Variants in CACNA2D4 observed in about 807,000 individuals in gnomAD.
CACNA2D4 encodes voltage-dependent calcium channel subunit alpha-2/delta-4.
A neutral mutation model predicts 163.8 loss-of-function variants in CACNA2D4; 157 were observed. That is an observed-to-expected ratio of 0.96 (90% CI 0.84 to 1.09). The LOEUF (loss-of-function observed/expected upper bound fraction) is 1.09. Ranked by LOEUF, CACNA2D4 falls within the 50% of genes least tolerant of loss-of-function variation. CACNA2D4 has a pLI of 0.00. For synonymous variants in CACNA2D4, 598 were observed against 586.9 expected (o/e 1.02, Z -0.27); for missense variants, 1,410 against 1,479.9 (o/e 0.95, Z 0.78).
At chr12:1,795,801 CG>C in intron 35 of CACNA2D4, 21 bp from the exon 36 acceptor site, 1 of 1,490,978 alleles carries the variant, frequency 6.7e-7, no homozygotes. Flanking sequence ...GAAAGGGAGT[CG>C]AGGATGGCTC....
chr12:1,897,521 T>C (rs1215362621), intron 6 of CACNA2D4, among the ~76,000 whole-genome samples: 1 of 152,150 alleles, frequency 6.6e-6, no homozygotes, highest in East Asian at 1.9e-4. Context: ...TATGTATCAG[T>C]AAAAATAAGA....
intron 16 of CACNA2D4, among the ~76,000 whole-genome samples, chr12:1,876,406 T>C (rs1865881580): frequency 6.6e-6 from 1 of 152,212 alleles, no homozygotes. Flanking sequence ...CCAAGACAGA[T>C]GTCACCAAGT....
chr12:1,891,103 C>T (rs555083045), intron 6 of CACNA2D4, among the ~76,000 whole-genome samples: 6 of 152,312 alleles, frequency 3.9e-5, no homozygotes, highest in African/African-American at 1.4e-4. Context: ...GTCCCCTGAG[C>T]AAGCCACCTG....
intron 16 of CACNA2D4, among the ~76,000 whole-genome samples, chr12:1,877,412 GA>G (rs537682997): frequency 6.6e-6 from 1 of 152,204 alleles, no homozygotes; most frequent in Non-Finnish European, 1.5e-5. Context: ...TTGCCCAGCA[GA>G]GCCTGATTTG....
rs1863237848 is a variant in CACNA2D4, at chr12:1,799,489, C to T, written c.2995+186G>A. On this transcript the variant is annotated intron_variant, in intron 34 of 37. Transcript: ENST00000382722. This position sits in a 1 kb window ranked among gnomAD's most constrained non-coding sequence, Gnocchi z 4.7. The stretch of plus-strand genomic sequence containing the variant: ...ATTTTCCCTGGGGCCTGACCGTCCT[C>T]ATGTGGGATGAGAACTGGGCTAGAC... Among the ~76,000 whole-genome samples, 1 of 152,188 alleles carries T rather than the reference C, an allele frequency of 6.6e-6. No homozygotes were observed. The highest frequency in any genetic ancestry group is 2.4e-5 in the African/African-American group (1 of 41,442).
rs1555187451 is a variant in CACNA2D4 at position 1,907,382 on chromosome 12, C to CTGTTG, written c.781+57_781+58insCAACA. 4.2e-5 allele frequency: 12 copies of CTGTTG among 287,364 alleles called. No homozygotes were observed. The African/African-American group carries it at 1.6e-3, about 39-fold the overall frequency. The allele number at this position is 287,364 out of a possible 1,614,324, so 17.8% of individuals were successfully genotyped here. Reference sequence around the variant, plus strand: ...GTGCCAGGGTCCATCTTCAGTGCCCCTATTATTTCCAGAGAAGAATCCCAG... The same window carrying CTGTTG: ...GTGCCAGGGTCCATCTTCAGTGCCCCTGTTGTATTATTTCCAGAGAAGAATCCCAG... On this transcript the variant is annotated intron_variant, in intron 6 of 37. Coordinates refer to ENST00000382722, the MANE Select transcript of CACNA2D4 (RefSeq NM_172364.5).
intron 29 of CACNA2D4, among the ~76,000 whole-genome samples, chr12:1,805,135 C>T (rs1002704861): frequency 9.2e-5 from 14 of 152,174 alleles, no homozygotes; most frequent in South Asian, 2.1e-4. Context: ...TAAGCAGTGG[C>T]CCGTGGGCTG....
At chr12:1,891,714 G>A (rs913801059) in intron 6 of CACNA2D4, among the ~76,000 whole-genome samples, 2 of 151,922 alleles carry the variant, frequency 1.3e-5, no homozygotes, top group Non-Finnish European at 2.9e-5. Context: ...TAAGAAATTT[G>A]CTAAGAAGAT....
In CACNA2D4 at chr12:1,882,922, A is replaced by C; in HGVS notation, c.1430T>G (p.Met477Arg). 1 of 1,613,754 alleles carries C rather than the reference A, an allele frequency of 6.2e-7. No homozygotes were observed. The highest frequency in any genetic ancestry group is 1.1e-5 in the South Asian group (1 of 91,028). Reference sequence around the variant, plus strand: ...GATGTCGTGGTCGTGGTTGATGACCATGGGGCGGCTGAGCACGTGCAGGTA... The same window carrying C: ...GATGTCGTGGTCGTGGTTGATGACCCTGGGGCGGCTGAGCACGTGCAGGTA... ...MEYLHVLSRP[M>R]VINHDHDIIW... Residue 477 changes from methionine (M) to arginine (R), a missense_variant, in exon 13 of 38, where the codon ATG becomes AGG. Met to Arg is a moderately conservative substitution (Grantham distance 91, BLOSUM62 -1). Transcript: ENST00000382722.
intron 24 of CACNA2D4, among the ~76,000 whole-genome samples, chr12:1,846,071 G>C (rs539909571): frequency 4.7e-4 from 71 of 152,260 alleles, no homozygotes; most frequent in Non-Finnish European, 8.1e-4. Context: ...ACCAAGGTGG[G>C]AGTGGGTGGC....
chr12:1,882,392 T>A (rs1866024709), intron 13 of CACNA2D4, among the ~76,000 whole-genome samples: 1 of 152,236 alleles, frequency 6.6e-6, no homozygotes, highest in Non-Finnish European at 1.5e-5. Context: ...AAAGGTCCCA[T>A]GTGAAGCTCT....
chr12:1,903,331 T>C (rs2079609), intron 6 of CACNA2D4, among the ~76,000 whole-genome samples: 139,406 of 152,186 alleles, frequency 0.92, 64,035 homozygotes, highest in East Asian at 1. Flanking sequence ...TAATACCCCA[T>C]GAGCACATGC....
chr12:1,829,812 G>A lies in CACNA2D4; in HGVS notation c.2551+10927C>T, dbSNP rs569453416. Reference sequence around the variant, plus strand: ...GGCTGGGGTCTTTTCTCTAGGCTGGGTGGAACTGACCTCGGCTGGGCTGAC... The same window carrying A: ...GGCTGGGGTCTTTTCTCTAGGCTGGATGGAACTGACCTCGGCTGGGCTGAC... On this transcript the variant is annotated intron_variant, in intron 26 of 37. Coordinates refer to ENST00000382722, the MANE Select transcript of CACNA2D4 (RefSeq NM_172364.5). The surrounding 1 kb of genome is among the most constrained non-coding windows in gnomAD (Gnocchi z 4.2). Among the ~76,000 whole-genome samples, 182 of 152,028 alleles carry A rather than the reference G, an allele frequency of 1.2e-3. 4 individuals are homozygous for A. In the Middle Eastern group the frequency reaches 0.051, roughly 43 times the overall value.
chr12:1,816,924 C>T (rs1565681837), intron 26 of CACNA2D4, among the ~76,000 whole-genome samples: 1 of 152,244 alleles, frequency 6.6e-6, no homozygotes, highest in Non-Finnish European at 1.5e-5. Context: ...CATACGTACA[C>T]ACACATGCAC....
chr12:1,886,959 G>GTGGAGGGGGAAGCT, intron 7 of CACNA2D4, 50 bp downstream of exon 7: 1 of 1,408,304 alleles, frequency 7.1e-7, no homozygotes. Flanking sequence ...AAACCCAAAA[G>GTGGAGGGGGAAGCT]CTATGAGATA....
chr12:1,838,393 G>T (rs1864935046), intron 26 of CACNA2D4, among the ~76,000 whole-genome samples: 1 of 152,164 alleles, frequency 6.6e-6, no homozygotes, highest in Admixed American at 6.5e-5. Context: ...CACGCTTACA[G>T]TGCCAGCCGT....
chr12:1,847,807 C>A (rs1201659158), intron 23 of CACNA2D4, among the ~76,000 whole-genome samples: 1 of 152,036 alleles, frequency 6.6e-6, no homozygotes, highest in Non-Finnish European at 1.5e-5. Context: ...TATTTTGAAG[C>A]AAATCCCAGA....
chr12:1,914,895 T>C lies in CACNA2D4; in HGVS notation c.268A>G (p.Asn90Asp). ...GAGCCTGAGTATTTGGTCACAGTGTTATACAGGTCCCCGCCGAAGGTGTCA... is the reference window on the plus strand; with the variant it reads ...GAGCCTGAGTATTTGGTCACAGTGTCATACAGGTCCCCGCCGAAGGTGTCA... ...WADTFGGDLY[N>D]TVTKYSGSLL... The change falls in exon 2 of 38, where the codon AAC (asparagine) becomes GAC (aspartate). Residue 90 changes from asparagine (N) to aspartate (D), a missense_variant. By Grantham distance (23) the Asn-to-Asp change is conservative. Transcript: ENST00000382722. 1 of 1,613,836 alleles carries C rather than the reference T, an allele frequency of 6.2e-7. No homozygotes were observed. Among genetic ancestry groups the C allele is most frequent in the East Asian group, 2.2e-5 (1 of 44,882 alleles).
intron 6 of CACNA2D4, among the ~76,000 whole-genome samples, chr12:1,900,901 A>G (rs1215869657): frequency 6.6e-6 from 1 of 152,194 alleles, no homozygotes; most frequent in Non-Finnish European, 1.5e-5. Context: ...CAGAATACAA[A>G]TTATTTTTAG....
Sources: gnomAD v4.1 joint callset for allele counts (sites outside exome capture counted in the v4.1 genomes callset) on GRCh38, gnomAD v4.1.1 for gene constraint, Gnocchi (gnomAD v3.1) non-coding constraint, MANE v1.5 for transcripts, NCBI Gene and HGNC (gene_info 2026-07-23, HGNC 2026-07-21) for gene names.